The following USP25 variants were observed in gnomAD, a reference collection of about 807,000 sequenced individuals.
USP25 encodes the protein ubiquitin carboxyl-terminal hydrolase 25.
In USP25, 85 loss-of-function variants were observed where a neutral mutation model predicts 158.5. The observed-to-expected ratio is 0.54, with a 90% CI of 0.45 to 0.64. The LOEUF is 0.64. Ranked by LOEUF, USP25 falls within the 30% of genes least tolerant of loss-of-function variation. USP25 has a pLI of 0.00. For missense variants in USP25, 1,242 were observed against 1,327.3 expected (o/e 0.94, Z 1.00); for synonymous variants, 464 against 460.4 (o/e 1.01, Z -0.10).
intron 1 of USP25, among the ~76,000 whole-genome samples, chr21:15,735,275 G>T (rs2031376942): frequency 6.6e-6 from 1 of 152,226 alleles, no homozygotes; most frequent in South Asian, 2.1e-4. Context: ...TCAACCAGCT[G>T]TGGATTGAAA....
At chr21:15,746,555 CGGCTAATTTTTT>C (rs2032577809) in intron 1 of USP25, among the ~76,000 whole-genome samples, 1 of 151,948 alleles carries the variant, frequency 6.6e-6, no homozygotes, top group Non-Finnish European at 1.5e-5. Context: ...CCACCACACC[CGGCTAATTTTTT>C]GTATTTTTAG....
intron 16 of USP25, among the ~76,000 whole-genome samples, chr21:15,832,885 G>A (rs919575145): frequency 6.6e-6 from 1 of 152,050 alleles, no homozygotes; most frequent in African/African-American, 2.4e-5. Flanking sequence ...GGGCTTGGTG[G>A]TGGGCACCTG....
At position 15,805,273 on chromosome 21, in the gene USP25, C is replaced by T; in HGVS notation, c.780+15C>T. ...ACTCACAGCAGGTAGTTCTGTTGCACTGACTTGTTCATTAACCATTTGTAT... is the reference window on the plus strand; with the variant it reads ...ACTCACAGCAGGTAGTTCTGTTGCATTGACTTGTTCATTAACCATTTGTAT... On this transcript the variant is annotated intron_variant, in intron 7 of 25. Coordinates refer to ENST00000400183, the MANE Select transcript of USP25 (RefSeq NM_001283041.3). The T allele has an allele frequency of 6.4e-7, 1 of 1,570,934 alleles. No individual in the cohort carries two copies. The highest frequency in any genetic ancestry group is 1.7e-4 in the Middle Eastern group (1 of 5,858).
chr21:15,832,846 A>G (rs927186518), intron 16 of USP25, among the ~76,000 whole-genome samples: 19 of 152,070 alleles, frequency 1.2e-4, no homozygotes, highest in Admixed American at 6.6e-4. Context: ...GTGAAACCCC[A>G]TTCTACTAAA....
chr21:15,837,682 C>T (rs897770555), intron 17 of USP25, among the ~76,000 whole-genome samples: 1 of 152,120 alleles, frequency 6.6e-6, no homozygotes, highest in Non-Finnish European at 1.5e-5. Flanking sequence ...GAAGTCCTTA[C>T]AATATAGCAC....
intron 19 of USP25, among the ~76,000 whole-genome samples, chr21:15,848,676 CTAGAGT>C (rs1326755027): frequency 6.6e-6 from 1 of 151,982 alleles, no homozygotes; most frequent in African/African-American, 2.4e-5. Context: ...TACTATCATG[CTAGAGT>C]TAATCACCAA....
At chr21:15,831,066 C>T (rs968961696) in intron 15 of USP25, among the ~76,000 whole-genome samples, 3 of 152,086 alleles carry the variant, frequency 2.0e-5, no homozygotes, top group African/African-American at 7.2e-5. Context: ...AAGATGTAGA[C>T]ACATTTGCTA....
intron 24 of USP25, among the ~76,000 whole-genome samples, chr21:15,874,818 G>A (rs1243877250): frequency 6.6e-6 from 1 of 151,620 alleles, no homozygotes; most frequent in Non-Finnish European, 1.5e-5. Flanking sequence ...TCCTTTTTTT[G>A]GTGGGAGAGG....
At chr21:15,807,478 A>G (rs2036449865) in intron 7 of USP25, among the ~76,000 whole-genome samples, 1 of 152,222 alleles carries the variant, frequency 6.6e-6, no homozygotes, top group African/African-American at 2.4e-5. Context: ...AGTGGTTAAA[A>G]ACAAAAGGTT....
chr21:15,779,051 G>A (rs980461883), intron 4 of USP25, among the ~76,000 whole-genome samples: 1 of 152,008 alleles, frequency 6.6e-6, no homozygotes, highest in Non-Finnish European at 1.5e-5. Context: ...GTTTAGCAAA[G>A]GCATATAATT....
chr21:15,793,727 C>T (rs1479446374), intron 5 of USP25, among the ~76,000 whole-genome samples: 3 of 151,438 alleles, frequency 2.0e-5, no homozygotes, highest in African/African-American at 7.3e-5. Context: ...GTAGAAAACA[C>T]TAAGCATCAG....
intron 8 of USP25, among the ~76,000 whole-genome samples, chr21:15,809,994 G>A (rs2036577950): frequency 1.3e-5 from 2 of 152,122 alleles, no homozygotes; most frequent in South Asian, 2.1e-4. Context: ...GAGGCTGGGG[G>A]GAGGGGGAGA....
intron 9 of USP25, among the ~76,000 whole-genome samples, chr21:15,814,136 T>C (rs2036814047): frequency 6.7e-6 from 1 of 149,448 alleles, no homozygotes. Context: ...AAACCCAGGA[T>C]AAACCCTTGA....
chr21:15,801,659 T>C (rs1017675176), intron 6 of USP25, among the ~76,000 whole-genome samples: 7 of 151,626 alleles, frequency 4.6e-5, no homozygotes, highest in African/African-American at 9.7e-5. Context: ...TTGTCACTTA[T>C]TTAATAATGA....
intron 4 of USP25, among the ~76,000 whole-genome samples, chr21:15,790,214 C>T (rs1335668573): frequency 2.0e-5 from 3 of 151,948 alleles, no homozygotes; most frequent in Non-Finnish European, 4.4e-5. Context: ...CTGGGGTTGC[C>T]TGTGGGAGTT....
intron 1 of USP25, among the ~76,000 whole-genome samples, chr21:15,757,191 G>A (rs1352947843): frequency 6.6e-6 from 1 of 152,072 alleles, no homozygotes; most frequent in Non-Finnish European, 1.5e-5. Flanking sequence ...CAGTAACAAA[G>A]GGAAAAAAAC....
chr21:15,790,314 A>G (rs2035524096), intron 4 of USP25, among the ~76,000 whole-genome samples: 3 of 152,024 alleles, frequency 2.0e-5, no homozygotes, highest in Non-Finnish European at 4.4e-5. Flanking sequence ...ATATGAGTTT[A>G]CATTTTAACA....
chr21:15,787,907 C>A (rs1429412801), intron 4 of USP25, among the ~76,000 whole-genome samples: 1 of 145,374 alleles, frequency 6.9e-6, no homozygotes, highest in South Asian at 2.3e-4. Context: ...CCCTCACCCC[C>A]CCCCCAAGTA....
intron 25 of USP25, 135 bp downstream of exon 25, chr21:15,878,126 C>T: frequency 1.9e-6 from 2 of 1,052,858 alleles, no homozygotes; most frequent in Non-Finnish European, 2.7e-6. Context: ...CACATGATTA[C>T]TCTTTTTCCA....
Sources: gnomAD v4.1 joint callset for allele counts (sites outside exome capture counted in the v4.1 genomes callset) on GRCh38, gnomAD v4.1.1 for gene constraint, MANE v1.5 for transcripts, NCBI Gene and HGNC (gene_info 2026-07-23, HGNC 2026-07-21) for gene names.